The following HAVCR2 variants were observed in gnomAD, a reference collection of about 807,000 sequenced individuals.
HAVCR2 encodes the protein T cell immunoglobulin mucin 3.
A neutral mutation model predicts 24.7 loss-of-function variants in HAVCR2; 13 were observed. That is an observed-to-expected ratio of 0.53 (90% CI 0.34 to 0.84). The LOEUF is 0.84. Among genes scored for constraint, HAVCR2 ranks in the 40% least tolerant of loss-of-function variants. The probability of loss-of-function intolerance (pLI) is 0.01; values close to 1 mark genes in which losing one functional copy is unlikely to be tolerated. For missense variants in HAVCR2, 343 were observed against 371.2 expected (o/e 0.92, Z 0.62); for synonymous variants, 154 against 143.4 (o/e 1.07, Z -0.53).
intron 3 of HAVCR2, 105 bp from the exon 4 acceptor site, chr5:157,099,006 A>C: frequency 5.1e-6 from 5 of 980,576 alleles, no homozygotes; most frequent in Non-Finnish European, 7.4e-6. Flanking sequence ...GATGCCTATA[A>C]TCCTATTTGA....
chr5:157,094,678 G>A (rs981079706), intron 5 of HAVCR2, among the ~76,000 whole-genome samples: 25 of 151,414 alleles, frequency 1.7e-4, no homozygotes, highest in African/African-American at 4.6e-4. Flanking sequence ...CCACTGCGCC[G>A]GGCCTGTTTT....
chr5:157,104,617 G>T, intron 3 of HAVCR2, 49 bp downstream of exon 3: 2 of 1,326,100 alleles, frequency 1.5e-6, no homozygotes, highest in South Asian at 2.6e-5. Context: ...AAAATCCTCT[G>T]AATTCAGAGC....
intron 3 of HAVCR2, among the ~76,000 whole-genome samples, chr5:157,101,484 T>C (rs1757164514): frequency 6.6e-6 from 1 of 152,258 alleles, no homozygotes; most frequent in Non-Finnish European, 1.5e-5. Context: ...GTGCCAGACA[T>C]GGTGCTTAGC....
intron 5 of HAVCR2, among the ~76,000 whole-genome samples, chr5:157,089,910 T>G (rs1264286692): frequency 6.6e-6 from 1 of 152,098 alleles, no homozygotes; most frequent in Non-Finnish European, 1.5e-5. Flanking sequence ...TAGGAAACCT[T>G]AGATTTCCTT....
chr5:157,104,709 A>C lies in HAVCR2; in HGVS notation c.435T>G (p.Thr145=). ...TPAPTRQRDF[T]AAFPRMLTTR... Reference sequence around the variant, plus strand: ...TGGTAAGCATCCTTGGAAAGGCTGCAGTGAAGTCTCTCTGCCGAGTCGGTG... The same window carrying C: ...TGGTAAGCATCCTTGGAAAGGCTGCCGTGAAGTCTCTCTGCCGAGTCGGTG... Residue 145 remains threonine, a synonymous_variant, in exon 3 of 7, where the codon ACT becomes ACG. Coordinates refer to ENST00000307851, the MANE Select transcript of HAVCR2 (RefSeq NM_032782.5). 1 of 1,605,510 alleles carries C rather than the reference A, an allele frequency of 6.2e-7. No homozygotes were observed. Among genetic ancestry groups the C allele is most frequent in the Non-Finnish European group, 8.5e-7 (1 of 1,175,518 alleles).
intron 1 of HAVCR2, among the ~76,000 whole-genome samples, chr5:157,107,866 C>G (rs1414085244): frequency 6.7e-6 from 1 of 149,380 alleles, no homozygotes; most frequent in East Asian, 2.0e-4. Flanking sequence ...TCTGCCCCCC[C>G]CCCTTTTTTA....
chr5:157,093,250 A>C (rs1049932759), intron 5 of HAVCR2, among the ~76,000 whole-genome samples: 1 of 152,138 alleles, frequency 6.6e-6, no homozygotes, highest in African/African-American at 2.4e-5. Flanking sequence ...GATGAGGAGC[A>C]GGACAGTCCT....
At chr5:157,097,041 T>G (rs919992704) in intron 4 of HAVCR2, among the ~76,000 whole-genome samples, 1 of 151,890 alleles carries the variant, frequency 6.6e-6, no homozygotes, top group Non-Finnish European at 1.5e-5. Flanking sequence ...ATTTACAAAT[T>G]GATTCAATAC....
At chr5:157,087,521 GA>G (rs1756929537) in intron 6 of HAVCR2, among the ~76,000 whole-genome samples, 2 of 152,068 alleles carry the variant, frequency 1.3e-5, no homozygotes, top group Admixed American at 1.3e-4. Context: ...ACAGCATTGT[GA>G]TAGCTAAGAG....
chr5:157,096,756 G>A (rs749796311), intron 4 of HAVCR2, among the ~76,000 whole-genome samples: 86 of 151,790 alleles, frequency 5.7e-4, no homozygotes, highest in Non-Finnish European at 8.4e-4. Context: ...CAGCCTGGGC[G>A]ACAAGAGCAA....
At chr5:157,090,363 G>A (rs1756980625) in intron 5 of HAVCR2, among the ~76,000 whole-genome samples, 1 of 151,826 alleles carries the variant, frequency 6.6e-6, no homozygotes, top group South Asian at 2.1e-4. Context: ...TGGGAGGCAA[G>A]GCAGGTGGAT....
chr5:157,100,464 C>T (rs1425394308), intron 3 of HAVCR2, among the ~76,000 whole-genome samples: 1 of 152,154 alleles, frequency 6.6e-6, no homozygotes, highest in African/African-American at 2.4e-5. Context: ...TGAATATGCA[C>T]TATGCCCTTA....
intron 6 of HAVCR2, among the ~76,000 whole-genome samples, chr5:157,087,592 A>C (rs1275717878): frequency 2.0e-5 from 3 of 152,156 alleles, no homozygotes; most frequent in African/African-American, 7.2e-5. Flanking sequence ...AGATGTCTGC[A>C]ATTATGTACA....
At chr5:157,091,965 C>G (rs1012621562) in intron 5 of HAVCR2, among the ~76,000 whole-genome samples, 10 of 152,042 alleles carry the variant, frequency 6.6e-5, no homozygotes, top group African/African-American at 2.4e-4. Context: ...TCTCCAGCAA[C>G]TTCCAGGGAA....
chr5:157,106,549 G>A, intron 2 of HAVCR2, 78 bp downstream of exon 2: 6 of 1,261,120 alleles, frequency 4.8e-6, no homozygotes, highest in Non-Finnish European at 6.8e-6. Flanking sequence ...GGAAGTCAGA[G>A]ATGAGAACAA....
intron 1 of HAVCR2, 51 bp from the exon 2 acceptor site, chr5:157,107,013 T>C: frequency 2.7e-6 from 4 of 1,465,022 alleles, no homozygotes; most frequent in Middle Eastern, 1.8e-4. Context: ...GTGAGGTTAC[T>C]CCATTTCAGG....
In HAVCR2 at chr5:157,106,789, A is replaced by T; in HGVS notation, c.232T>A (p.Trp78Arg). Reference protein sequence around the residue: ...LRTDERDVNYWTSRYWLNGDF... With the variant: ...LRTDERDVNYRTSRYWLNGDF... ...CCATTTAGCCAGTATCTGGATGTCC[A>T]ATAATTCACATCCCTTTCATCAGTC... The change falls in exon 2 of 7, where the codon TGG becomes AGG. Residue 78 changes from tryptophan (W) to arginine (R), a missense_variant. Transcript: ENST00000307851. The T allele has an allele frequency of 4.3e-6, 7 of 1,614,190 alleles. No individual in the cohort carries two copies. Among genetic ancestry groups the T allele is most frequent in the Non-Finnish European group, 5.9e-6 (7 of 1,180,034 alleles).
At chr5:157,095,197 A>C (rs1210180362) in intron 5 of HAVCR2, 109 bp downstream of exon 5, 2 of 1,135,846 alleles carry the variant, frequency 1.8e-6, no homozygotes, top group African/African-American at 3.1e-5. Flanking sequence ...AAGGGTATTT[A>C]GTCTAATCAT....
intron 5 of HAVCR2, among the ~76,000 whole-genome samples, chr5:157,094,014 T>A (rs903535676): frequency 7.3e-5 from 11 of 151,236 alleles, no homozygotes; most frequent in African/African-American, 2.7e-4. Context: ...TAATTCTCCA[T>A]CAAAATTCAT....
Sources: allele counts gnomAD v4.1 joint callset (sites outside exome capture counted in the v4.1 genomes callset), GRCh38; gene constraint gnomAD v4.1.1; transcripts MANE v1.5; gene names NCBI Gene and HGNC (gene_info 2026-07-23, HGNC 2026-07-21).